Variants in ARHGAP10 observed in about 807,000 individuals in gnomAD.
The protein encoded by ARHGAP10 is rho GTPase-activating protein 10.
A neutral mutation model predicts 108.6 loss-of-function variants in ARHGAP10; 87 were observed. The ratio of observed to expected loss-of-function variants is 0.80; its 90% confidence interval spans 0.67 to 0.96. The LOEUF is 0.96. Ranked by LOEUF, ARHGAP10 falls within the 40% of genes least tolerant of loss-of-function variation. The pLI is 0.00. For synonymous variants in ARHGAP10, 347 were observed against 341.1 expected, an observed-to-expected ratio of 1.02 and a Z score of -0.19; for missense variants, 939 against 954.5, an observed-to-expected ratio of 0.98 and a Z score of 0.21.
chr4:147,962,077 T>G (rs1459367024), intron 16 of ARHGAP10, among the ~76,000 whole-genome samples: 1 of 152,206 alleles, frequency 6.6e-6, no homozygotes, highest in East Asian at 1.9e-4. Flanking sequence ...TCCTACTGTT[T>G]CCAGCTACTG....
intron 1 of ARHGAP10, among the ~76,000 whole-genome samples, chr4:147,797,319 C>G (rs537370133): frequency 6.6e-6 from 1 of 152,136 alleles, no homozygotes; most frequent in African/African-American, 2.4e-5. Context: ...CCCCAGCATG[C>G]CTTCTATGTT....
chr4:147,988,811 A>G (rs956243101), intron 18 of ARHGAP10, among the ~76,000 whole-genome samples: 1 of 152,296 alleles, frequency 6.6e-6, no homozygotes, highest in Non-Finnish European at 1.5e-5. Flanking sequence ...CCTCAGACTC[A>G]TGCTTTATTC....
At chr4:147,963,688 C>G (rs1739089916) in intron 16 of ARHGAP10, among the ~76,000 whole-genome samples, 1 of 152,180 alleles carries the variant, frequency 6.6e-6, no homozygotes, top group Non-Finnish European at 1.5e-5. Flanking sequence ...TTTATTCCGT[C>G]ACAATTCTAG....
At chr4:147,860,653 A>T (rs1327381374) in intron 5 of ARHGAP10, among the ~76,000 whole-genome samples, 1 of 152,094 alleles carries the variant, frequency 6.6e-6, no homozygotes, top group East Asian at 1.9e-4. Context: ...ATTTCTGTTT[A>T]TTTTTGAAGT....
chr4:147,743,965 A>T (rs925665795), intron 1 of ARHGAP10, among the ~76,000 whole-genome samples: 3 of 152,226 alleles, frequency 2.0e-5, no homozygotes, highest in Non-Finnish European at 4.4e-5. Context: ...AACCTTATTT[A>T]TGACAGTGGT....
chr4:147,751,378 T>C (rs188289347), intron 1 of ARHGAP10, among the ~76,000 whole-genome samples: 4 of 152,060 alleles, frequency 2.6e-5, no homozygotes, highest in Non-Finnish European at 5.9e-5. Flanking sequence ...GTTTTTTTTT[T>C]TTTGAGACAG....
intron 1 of ARHGAP10, among the ~76,000 whole-genome samples, chr4:147,769,996 C>T (rs1281991820): frequency 6.6e-6 from 1 of 152,180 alleles, no homozygotes; most frequent in Non-Finnish European, 1.5e-5. Flanking sequence ...CAGATAACAG[C>T]ATAAGGACCT....
At chr4:147,896,016 G>GT (rs1487153249) in intron 10 of ARHGAP10, among the ~76,000 whole-genome samples, 1 of 152,144 alleles carries the variant, frequency 6.6e-6, no homozygotes, top group African/African-American at 2.4e-5. Flanking sequence ...CTTTGGATGT[G>GT]AATTACACTG....
At chr4:147,780,531 C>T (rs1730487503) in intron 1 of ARHGAP10, among the ~76,000 whole-genome samples, 1 of 134,834 alleles carries the variant, frequency 7.4e-6, no homozygotes, top group Non-Finnish European at 1.6e-5. Flanking sequence ...CTTTTTGAGA[C>T]TTTAGGGCCT....
At chr4:147,908,167 G>A (rs992812546) in intron 11 of ARHGAP10, among the ~76,000 whole-genome samples, 71 of 152,162 alleles carry the variant, frequency 4.7e-4, no homozygotes, top group African/African-American at 1.7e-3. Context: ...TTCTTAATTT[G>A]TTGTTGAAAT....
intron 10 of ARHGAP10, among the ~76,000 whole-genome samples, chr4:147,882,827 G>A (rs983803499): frequency 5.9e-5 from 9 of 152,152 alleles, no homozygotes; most frequent in African/African-American, 2.2e-4. Flanking sequence ...ATGTCCTCCA[G>A]TAGCATTAAG....
chr4:147,926,844 G>C lies in ARHGAP10; in HGVS notation c.1229-12981G>C, dbSNP rs13435876. On this transcript the variant is annotated intron_variant, in intron 13 of 22. Transcript: ENST00000336498. The stretch of plus-strand genomic sequence containing the variant: ...ATACTCTAGAAAGGTCAGGTTGGTG[G>C]AGGAACAAGAAACAACCATTGGGTT... 9.9e-3 allele frequency among the ~76,000 whole-genome samples: 1,508 copies of C among 152,276 alleles called. 30 individuals carry two copies. The highest frequency in any genetic ancestry group is 0.035 in the African/African-American group (1,441 of 41,558).
chr4:147,845,334 G>A (rs1733588922), intron 3 of ARHGAP10, among the ~76,000 whole-genome samples: 2 of 152,188 alleles, frequency 1.3e-5, no homozygotes, highest in African/African-American at 4.8e-5. Flanking sequence ...CATGTATCTG[G>A]CTTACATCTT....
At chr4:147,903,590 A>G (rs1736338133) in intron 10 of ARHGAP10, among the ~76,000 whole-genome samples, 1 of 152,188 alleles carries the variant, frequency 6.6e-6, no homozygotes. Context: ...CACTGCCCTA[A>G]AAATCTTGTG....
chr4:147,734,008 G>A, intron 1 of ARHGAP10, among the ~76,000 whole-genome samples: 1 of 424 alleles, frequency 2.4e-3, no homozygotes, highest in East Asian at 0.25. Flanking sequence ...GGGAAGTAGG[G>A]GGGCGCCTAT....
At position 148,064,431 on chromosome 4, in the gene ARHGAP10, G is replaced by C. The variant is rs771631429; in HGVS notation, c.2196G>C (p.Lys732Asn). 30 of 1,613,806 alleles carry C rather than the reference G, an allele frequency of 1.9e-5. No individual in the cohort carries two copies. The East Asian group carries it at 6.0e-4, about 32-fold the overall frequency. The change falls in exon 22 of 23, where the codon AAG becomes AAC. Residue 732 changes from lysine (K) to asparagine (N), a missense_variant. Transcript: ENST00000336498. ...TTCTTTTCAGCATCCGCAGTCGGAA[G>C]GCTCGAGCCGTGTATCCGTGTGAAG... The part of the protein sequence containing the change: ...DKPPESIRSR[K>N]ARAVYPCEAE...
chr4:147,941,907 T>C (rs1175357232), intron 14 of ARHGAP10, among the ~76,000 whole-genome samples: 3 of 152,216 alleles, frequency 2.0e-5, no homozygotes, highest in African/African-American at 4.8e-5. Context: ...TGTCTCTTTT[T>C]TCTGGTGTGT....
chr4:147,758,885 G>A (rs954231092), intron 1 of ARHGAP10, among the ~76,000 whole-genome samples: 7 of 150,700 alleles, frequency 4.6e-5, no homozygotes, highest in African/African-American at 1.2e-4. Flanking sequence ...AGGCTGAGAC[G>A]TGAGAATTCC....
intron 7 of ARHGAP10, among the ~76,000 whole-genome samples, chr4:147,868,863 G>A (rs372021304): frequency 6.6e-6 from 1 of 152,070 alleles, no homozygotes; most frequent in Non-Finnish European, 1.5e-5. Context: ...CTCACCTGCC[G>A]CTCACCTCCT....
Sources: allele counts gnomAD v4.1 joint callset (sites outside exome capture counted in the v4.1 genomes callset), GRCh38; gene constraint gnomAD v4.1.1; transcripts MANE v1.5; gene names NCBI Gene and HGNC (gene_info 2026-07-23, HGNC 2026-07-21).